The following POGZ variants were observed in gnomAD, a reference collection of about 807,000 sequenced individuals.
POGZ encodes pogo transposable element derived with ZNF domain, also known as pogo transposable element with ZNF domain.
POGZ carries 17 observed loss-of-function variants against 134.6 expected under a neutral mutation model. That is an observed-to-expected ratio of 0.13 (90% confidence interval 0.09 to 0.19). The LOEUF is 0.19. POGZ is among the 10% of genes least tolerant of loss of function. The pLI is 1.00. For synonymous variants in POGZ, 693 were observed against 657.1 expected, an observed-to-expected ratio of 1.05 and a Z score of -0.84; for missense variants, 1,306 against 1,769.7, an observed-to-expected ratio of 0.74 and a Z score of 4.70.
chr1:151,434,870 CCTCT>C (rs748476317), intron 3 of POGZ, among the ~76,000 whole-genome samples: 21 of 152,020 alleles, frequency 1.4e-4, no homozygotes, highest in African/African-American at 3.6e-4. Flanking sequence ...TAACTTTCTC[CCTCT>C]AAGTTTGCTC....
chr1:151,430,881 A>T (rs745767328), intron 3 of POGZ, 40 bp from the exon 4 acceptor site: 1 of 1,325,904 alleles, frequency 7.5e-7, no homozygotes, highest in Non-Finnish European at 1.0e-6. Context: ...GAATGTTAGA[A>T]ACAATGTTAA....
intron 1 of POGZ, among the ~76,000 whole-genome samples, chr1:151,446,711 G>A (rs539884832): frequency 5.0e-5 from 7 of 141,398 alleles, no homozygotes; most frequent in Non-Finnish European, 1.0e-4. Context: ...AGCTGAGATC[G>A]TGCCACTGCA....
chr1:151,408,600 A>T lies in POGZ; in HGVS notation c.2062-19T>A, dbSNP rs1211983059. The T allele has an allele frequency of 6.2e-7, 1 of 1,610,466 alleles. No individual in the cohort carries two copies. The highest frequency in any genetic ancestry group is 1.7e-5 in the Admixed American group (1 of 58,514). On this transcript the variant is annotated intron_variant, in intron 13 of 18. Transcript: ENST00000271715. Reference sequence around the variant, plus strand: ...TTGTCACCTGAGAACCAAGGGAAGTAACAATGAGACATCACCCACACTAAA... The same window carrying T: ...TTGTCACCTGAGAACCAAGGGAAGTTACAATGAGACATCACCCACACTAAA...
chr1:151,423,379 A>C lies in POGZ; in HGVS notation c.1678+18T>G. Reference sequence around the variant, plus strand: ...AGCAAGGTATATTCCCCTTGAGTTTAAGAGTTTCCAAACTTACTAGTAGAT... The same window carrying C: ...AGCAAGGTATATTCCCCTTGAGTTTCAGAGTTTCCAAACTTACTAGTAGAT... On this transcript the variant is annotated intron_variant, in intron 10 of 18. Coordinates refer to ENST00000271715, the MANE Select transcript of POGZ (RefSeq NM_015100.4). The C allele has an allele frequency of 6.2e-7, 1 of 1,609,542 alleles. No homozygotes were observed. The highest frequency in any genetic ancestry group is 8.5e-7 in the Non-Finnish European group (1 of 1,175,798).
chr1:151,412,213 T>C (rs931875703), intron 11 of POGZ, 83 bp downstream of exon 11: 3 of 716,844 alleles, frequency 4.2e-6, no homozygotes, highest in East Asian at 5.1e-5. Flanking sequence ...ATGCAGTAGG[T>C]GGTCAACAAT....
chr1:151,403,228 G>A lies in POGZ; in HGVS notation c.*1574C>T. On this transcript the variant is annotated 3_prime_UTR_variant, in exon 19 of 19. Coordinates refer to ENST00000271715, the MANE Select transcript of POGZ (RefSeq NM_015100.4). ...AAAAAACAAACAAACAAAAAAGCAG[G>A]GTGGGGTGGGAGAAATGGGTGGTAA... The A allele has an allele frequency of 1.0e-6, 1 of 985,746 alleles. No homozygotes were observed. Among genetic ancestry groups the A allele is most frequent in the Non-Finnish European group, 1.2e-6 (1 of 829,896 alleles). The allele number at this position is 985,746 out of a possible 1,614,324, so 61.1% of individuals were successfully genotyped here.
chr1:151,456,968 C>T, intron 1 of POGZ, among the ~76,000 whole-genome samples: 1 of 152,166 alleles, frequency 6.6e-6, no homozygotes, highest in Admixed American at 6.5e-5. Flanking sequence ...GCTAAGGTAC[C>T]GCCAGTAGTT....
In POGZ at chr1:151,408,784, G is replaced by A. The variant is rs548178282; in HGVS notation, c.1971C>T (p.Leu657=). 1 of 1,614,078 alleles carries A rather than the reference G, an allele frequency of 6.2e-7. No individual in the cohort carries two copies. The highest frequency in any genetic ancestry group is 8.5e-7 in the Non-Finnish European group (1 of 1,179,992). The change falls in exon 13 of 19, where the codon CTC becomes CTT. Residue 657 remains leucine, a synonymous_variant. Coordinates refer to ENST00000271715, the MANE Select transcript of POGZ (RefSeq NM_015100.4). ...YHCNKCRLQF[L]FAKDKIEHKL... ...TGTGTTCAATTTTGTCCTTGGCAAAGAGAAACTGCAGCCGGCATTTGTTGC... is the reference window on the plus strand; with the variant it reads ...TGTGTTCAATTTTGTCCTTGGCAAAAAGAAACTGCAGCCGGCATTTGTTGC...
intron 1 of POGZ, among the ~76,000 whole-genome samples, chr1:151,444,812 A>G (rs1321750055): frequency 6.6e-6 from 1 of 152,204 alleles, no homozygotes; most frequent in Non-Finnish European, 1.5e-5. Context: ...AGAGAAATGG[A>G]AAGAACTCCA....
intron 10 of POGZ, among the ~76,000 whole-genome samples, chr1:151,422,111 T>C (rs1357666380): frequency 1.3e-5 from 2 of 152,244 alleles, no homozygotes; most frequent in African/African-American, 2.4e-5. Flanking sequence ...CCAGATAATA[T>C]GCATATGTCT....
intron 1 of POGZ, among the ~76,000 whole-genome samples, chr1:151,453,741 A>G (rs1662432269): frequency 2.0e-5 from 3 of 152,200 alleles, no homozygotes. Context: ...TGGGAGTACC[A>G]GATAAATACT....
intron 3 of POGZ, among the ~76,000 whole-genome samples, chr1:151,437,829 G>C (rs1484581660): frequency 6.6e-6 from 1 of 152,170 alleles, no homozygotes; most frequent in Admixed American, 6.5e-5. Flanking sequence ...TTAAACTGAA[G>C]GCTTAAAGGG....
At chr1:151,439,855 G>A (rs1480162000) in intron 3 of POGZ, among the ~76,000 whole-genome samples, 2 of 152,016 alleles carry the variant, frequency 1.3e-5, no homozygotes, top group African/African-American at 4.8e-5. Context: ...AACAATGCGA[G>A]AAAAGATACA....
intron 10 of POGZ, among the ~76,000 whole-genome samples, chr1:151,420,475 C>A (rs1474961257): frequency 1.3e-5 from 2 of 152,042 alleles, no homozygotes; most frequent in Non-Finnish European, 2.9e-5. Context: ...CGCCACCACA[C>A]CCAATTTTTG....
At chr1:151,417,726 ACAC>A (rs1656032801) in intron 10 of POGZ, among the ~76,000 whole-genome samples, 2 of 138,702 alleles carry the variant, frequency 1.4e-5, no homozygotes, top group Admixed American at 7.2e-5. Context: ...ACACACACAC[ACAC>A]AAAAGGCCTT....
chr1:151,447,642 ATTTTTTTTTTT>A (rs35308281), intron 1 of POGZ, among the ~76,000 whole-genome samples: 631 of 53,012 alleles, frequency 0.012, 17 homozygotes, highest in African/African-American at 0.039. Flanking sequence ...TGTCTGGCTA[ATTTTTTTTTTT>A]TTTTTTTTTT....
In POGZ at chr1:151,405,568, C is replaced by T. The variant is rs1326394512; in HGVS notation, c.3467G>A (p.Trp1156Ter). The T allele has an allele frequency of 6.2e-7, 1 of 1,614,026 alleles. No individual in the cohort carries two copies. Among genetic ancestry groups the T allele is most frequent in the Non-Finnish European group, 8.5e-7 (1 of 1,180,016 alleles). Residue 1156 changes from tryptophan (W) to a stop codon, truncating the protein, a stop_gained, in exon 19 of 19, where the codon TGG becomes TAG. Transcript: ENST00000271715. LOFTEE classifies it high-confidence loss of function. The surrounding 1 kb of genome is among the most constrained non-coding windows in gnomAD (Gnocchi z 4.9). ...ALQTVGTGEP[W>*]CDVVLAILAD... ...CAGAATGGCTAGGACTACATCACACCAAGGTTCCCCTGTGCCCACTGTCTG... is the reference window on the plus strand; with the variant it reads ...CAGAATGGCTAGGACTACATCACACTAAGGTTCCCCTGTGCCCACTGTCTG...
At position 151,422,424 on chromosome 1, in the gene POGZ, C is replaced by T. The variant is rs12069125; in HGVS notation, c.1678+973G>A. Among the ~76,000 whole-genome samples the T allele has an allele frequency of 5.2e-3, 784 of 152,140 alleles. 15 individuals are homozygous for T. The highest frequency in any genetic ancestry group is 0.018 in the African/African-American group (755 of 41,502). On this transcript the variant is annotated intron_variant, in intron 10 of 18. Transcript: ENST00000271715. ...TGGGCTTAAATCCTCACTATGTATC[C>T]CCAGTAGAGGTGTATTTAGAGGTGT... is the stretch of plus-strand genomic sequence containing the variant.
At chr1:151,432,601 G>A (rs754421596) in intron 3 of POGZ, among the ~76,000 whole-genome samples, 5 of 152,036 alleles carry the variant, frequency 3.3e-5, no homozygotes, top group African/African-American at 7.3e-5. Context: ...AAAAGGGAAC[G>A]CTATAGTGAA....
Sources: allele counts gnomAD v4.1 joint callset (sites outside exome capture counted in the v4.1 genomes callset), GRCh38; gene constraint gnomAD v4.1.1; non-coding constraint Gnocchi (gnomAD v3.1); transcripts MANE v1.5; gene names NCBI Gene and HGNC (gene_info 2026-07-23, HGNC 2026-07-21).